Variants in ZRANB3 observed in about 807,000 individuals in gnomAD.
ZRANB3 encodes the protein DNA annealing helicase and endonuclease ZRANB3.
Under a neutral mutation model 133.8 loss-of-function variants are expected in ZRANB3, and 125 were observed. The observed-to-expected ratio is 0.93, with a 90% CI of 0.81 to 1.08. The LOEUF is 1.08. Among genes scored for constraint, ZRANB3 ranks in the 50% least tolerant of loss-of-function variants. The pLI is 0.00. For missense variants in ZRANB3, 1,229 were observed against 1,275.5 expected (o/e 0.96, Z 0.56); for synonymous variants, 387 against 432.7 (o/e 0.89, Z 1.31).
intron 2 of ZRANB3, 55 bp from the exon 3 acceptor site, chr2:135,390,875 T>G (rs1687199780): frequency 2.0e-6 from 3 of 1,480,676 alleles, no homozygotes; most frequent in Non-Finnish European, 2.7e-6. Context: ...TTTCCTTTTT[T>G]TTTTGAGATG....
intron 1 of ZRANB3, among the ~76,000 whole-genome samples, chr2:135,519,243 C>T (rs1693820387): frequency 6.6e-6 from 1 of 152,146 alleles, no homozygotes; most frequent in South Asian, 2.1e-4. Flanking sequence ...GATGTTACCA[C>T]TGGAGGAAAC....
rs572108449 is a variant in ZRANB3, at chr2:135,309,215, T to G, written c.966+4274A>C. 2.6e-5 allele frequency among the ~76,000 whole-genome samples: 4 copies of G among 151,582 alleles called. No homozygotes were observed. In the East Asian group the frequency reaches 7.9e-4, roughly 30 times the overall value. ...CCAGGATGGTCTTGATCTCCTGACC[T>G]CGTGATCTGCCTGCCTCGGCTTCCC... On this transcript the variant is annotated intron_variant, in intron 8 of 20. Transcript: ENST00000264159.
chr2:135,385,797 C>T (rs553464676), intron 3 of ZRANB3, among the ~76,000 whole-genome samples: 36 of 152,054 alleles, frequency 2.4e-4, no homozygotes, highest in Admixed American at 1.2e-3. Flanking sequence ...TGTAGAAAGC[C>T]GAAACTGGAT....
At chr2:135,400,290 T>C (rs1226385350) in intron 2 of ZRANB3, among the ~76,000 whole-genome samples, 1 of 151,930 alleles carries the variant, frequency 6.6e-6, no homozygotes, top group Non-Finnish European at 1.5e-5. Context: ...TAACACCCTA[T>C]TGGCATGGAC....
chr2:135,513,404 A>C (rs560594637), intron 1 of ZRANB3, among the ~76,000 whole-genome samples: 1 of 152,332 alleles, frequency 6.6e-6, no homozygotes, highest in African/African-American at 2.4e-5. Context: ...TCCAGAAATA[A>C]GCCTTTACAT....
chr2:135,329,144 T>A (rs985478090), intron 6 of ZRANB3, among the ~76,000 whole-genome samples: 2 of 152,252 alleles, frequency 1.3e-5, no homozygotes, highest in African/African-American at 4.8e-5. Context: ...CATGCCTATA[T>A]CCTGAATGAT....
rs76018308 is a variant in ZRANB3, at chr2:135,326,021, A to T, written c.678-10491T>A. On this transcript the variant is annotated intron_variant, in intron 6 of 20. Coordinates refer to ENST00000264159, the MANE Select transcript of ZRANB3 (RefSeq NM_032143.4). ...GAAAAATAAATAAATAAAACAAGGA[A>T]ATAAAAGAGAAACCCAAGACTTCAG... is the stretch of plus-strand genomic sequence containing the variant. 6.6e-4 allele frequency among the ~76,000 whole-genome samples: 101 copies of T among 152,296 alleles called. 2 individuals carry two copies. In the East Asian group the frequency reaches 0.018, roughly 28 times the overall value.
chr2:135,376,311 C>T (rs1686426799), intron 3 of ZRANB3, among the ~76,000 whole-genome samples: 1 of 152,142 alleles, frequency 6.6e-6, no homozygotes, highest in Admixed American at 6.5e-5. Context: ...TATGGCAGCC[C>T]TAGGAAACTA....
rs558934108 is a variant in ZRANB3, at chr2:135,284,722, C to T, written c.967-8967G>A. ...TCTTGACCTCGTGATCCACCCACCG[C>T]GGCCTCCCAAAGTGCTGGGATTACA... On this transcript the variant is annotated intron_variant, in intron 8 of 20. Transcript: ENST00000264159. Among the ~76,000 whole-genome samples the T allele has an allele frequency of 3.3e-5, 5 of 152,148 alleles. No individual in the cohort carries two copies. The East Asian group carries it at 5.8e-4, about 18-fold the overall frequency.
chr2:135,446,483 T>C (rs188927285), intron 2 of ZRANB3, among the ~76,000 whole-genome samples: 27 of 152,188 alleles, frequency 1.8e-4, no homozygotes, highest in Non-Finnish European at 2.9e-5. Flanking sequence ...AGAGAATGAA[T>C]AGTGCAGTAT....
At chr2:135,518,376 C>T (rs1348950933) in intron 1 of ZRANB3, among the ~76,000 whole-genome samples, 1 of 152,114 alleles carries the variant, frequency 6.6e-6, no homozygotes, top group Non-Finnish European at 1.5e-5. Flanking sequence ...AAACCCAGGG[C>T]CCTGGTGGTG....
chr2:135,208,258 C>G (rs1693961779), intron 18 of ZRANB3, among the ~76,000 whole-genome samples: 1 of 152,208 alleles, frequency 6.6e-6, no homozygotes, highest in South Asian at 2.1e-4. Context: ...TACAAACTCT[C>G]TCCTCCAGCC....
chr2:135,375,726 A>C (rs1020827587), intron 3 of ZRANB3, among the ~76,000 whole-genome samples: 1 of 150,582 alleles, frequency 6.6e-6, no homozygotes, highest in African/African-American at 2.4e-5. Context: ...GTGGTGGAGC[A>C]TGCCTGTAAT....
chr2:135,270,927 G>A (rs1680481796), intron 10 of ZRANB3, among the ~76,000 whole-genome samples: 1 of 152,224 alleles, frequency 6.6e-6, no homozygotes, highest in Admixed American at 6.5e-5. Flanking sequence ...TACTGTGGCA[G>A]AGACTGCCAT....
intron 2 of ZRANB3, among the ~76,000 whole-genome samples, chr2:135,411,023 G>A (rs1688278452): frequency 6.6e-6 from 1 of 152,168 alleles, no homozygotes; most frequent in Non-Finnish European, 1.5e-5. Context: ...CAGACTGCTT[G>A]AGTCTAAGAG....
At chr2:135,429,887 T>C (rs1689245285) in intron 2 of ZRANB3, among the ~76,000 whole-genome samples, 1 of 152,086 alleles carries the variant, frequency 6.6e-6, no homozygotes, top group Non-Finnish European at 1.5e-5. Context: ...TTCCAGTGTA[T>C]AAAAATCAAA....
At chr2:135,371,850 G>C (rs781726657) in intron 3 of ZRANB3, among the ~76,000 whole-genome samples, 9 of 152,030 alleles carry the variant, frequency 5.9e-5, no homozygotes, top group Admixed American at 5.9e-4. Flanking sequence ...CATAAGGGTG[G>C]GGCCCTCATG....
intron 6 of ZRANB3, among the ~76,000 whole-genome samples, chr2:135,336,661 A>C (rs1340170560): frequency 1.3e-5 from 2 of 152,234 alleles, no homozygotes; most frequent in African/African-American, 2.4e-5. Context: ...CTCCACAATC[A>C]TAAAGCATTT....
intron 2 of ZRANB3, among the ~76,000 whole-genome samples, chr2:135,395,308 T>G (rs980542688): frequency 2.0e-5 from 3 of 152,070 alleles, no homozygotes; most frequent in Non-Finnish European, 2.9e-5. Context: ...TTCAGAAGAA[T>G]TAAACCATCT....
Sources: gnomAD v4.1 joint callset for allele counts (sites outside exome capture counted in the v4.1 genomes callset) on GRCh38, gnomAD v4.1.1 for gene constraint, MANE v1.5 for transcripts, NCBI Gene and HGNC (gene_info 2026-07-23, HGNC 2026-07-21) for gene names.